Variants in DGCR8 observed in about 807,000 individuals in gnomAD.
DGCR8 encodes the protein microprocessor complex subunit DGCR8.
Under a neutral mutation model 78.5 loss-of-function variants are expected in DGCR8, and 14 were observed. The observed-to-expected ratio is 0.18, with a 90% CI of 0.12 to 0.28. DGCR8 has a LOEUF of 0.28. DGCR8 is among the 10% of genes least tolerant of loss of function. The pLI is 1.00. For synonymous variants in DGCR8, 399 were observed against 402.4 expected (o/e 0.99, Z 0.10); for missense variants, 702 against 1,022.5 (o/e 0.69, Z 4.28).
intron 9 of DGCR8, 70 bp from the exon 10 acceptor site, chr22:20,106,107 A>T (rs1602496381): frequency 2.2e-6 from 3 of 1,338,556 alleles, no homozygotes; most frequent in South Asian, 1.2e-5. Flanking sequence ...GGGAAAGCCA[A>T]CCGCAGGCCC....
In DGCR8 at chr22:20,110,306, C is replaced by T. The variant is rs2049823119; in HGVS notation, c.*198C>T. 1.7e-6 allele frequency: 1 copy of T among 574,388 alleles called. No homozygotes were observed. Among genetic ancestry groups the T allele is most frequent in the Non-Finnish European group, 3.1e-6 (1 of 326,380 alleles). 35.6% of individuals were successfully genotyped at this position (574,388 alleles called of 1,614,324 possible). On this transcript the variant is annotated 3_prime_UTR_variant, in exon 14 of 14. Transcript: ENST00000351989. ...ACACAGCACACATGTGGAGCAGCGGCTCTCCCTGGAAAGCTCCAGGCCTGA... is the reference window on the plus strand; with the variant it reads ...ACACAGCACACATGTGGAGCAGCGGTTCTCCCTGGAAAGCTCCAGGCCTGA...
In DGCR8 at chr22:20,087,996, G is replaced by A. The variant is rs984293443; in HGVS notation, c.880+675G>A. Reference sequence around the variant, plus strand: ...CACCTATGAGGGTCCTGGTGGAGATGTGGGGCTCGGTAGAGGGACTGAAGA... The same window carrying A: ...CACCTATGAGGGTCCTGGTGGAGATATGGGGCTCGGTAGAGGGACTGAAGA... On this transcript the variant is annotated intron_variant, in intron 3 of 13. Coordinates refer to ENST00000351989, the MANE Select transcript of DGCR8 (RefSeq NM_022720.7). The surrounding 1 kb of genome is among the most constrained non-coding windows in gnomAD (Gnocchi z 4.1). Among the ~76,000 whole-genome samples the A allele has an allele frequency of 1.3e-5, 2 of 152,090 alleles. No homozygotes were observed. The highest frequency in any genetic ancestry group is 4.8e-5 in the African/African-American group (2 of 41,420).
chr22:20,083,257 T>C (rs1158736157), intron 1 of DGCR8, among the ~76,000 whole-genome samples: 1 of 152,062 alleles, frequency 6.6e-6, no homozygotes, highest in East Asian at 1.9e-4. Flanking sequence ...CTTCTTGGCA[T>C]GTGACAGGGT....
At chr22:20,092,590 G>T (rs1406201389) in intron 7 of DGCR8, among the ~76,000 whole-genome samples, 2 of 152,038 alleles carry the variant, frequency 1.3e-5, no homozygotes, top group Admixed American at 6.6e-5. Flanking sequence ...TCTCCCACGT[G>T]CCTCATTTCC....
At chr22:20,099,108 T>C (rs1010109960) in intron 9 of DGCR8, among the ~76,000 whole-genome samples, 2 of 152,186 alleles carry the variant, frequency 1.3e-5, no homozygotes, top group Non-Finnish European at 2.9e-5. Flanking sequence ...TCTGTGGGGC[T>C]CACCTGGTGT....
Position 20,107,378 on chromosome 22 carries a change from A to T in DGCR8, c.2104A>T (p.Ser702Cys). ...TTTACTGCGCATGTATGGCCGTGAGAGCAGCAAGATGGTCAAGCAGGTAAC... is the reference window on the plus strand; with the variant it reads ...TTTACTGCGCATGTATGGCCGTGAGTGCAGCAAGATGGTCAAGCAGGTAAC... ...GSLLRMYGRE[S>C]SKMVKQETSD... The change falls in exon 12 of 14, where the codon AGC (serine) becomes TGC (cysteine). Residue 702 changes from serine to cysteine, a missense_variant. Around this residue, in one of 4 missense-constraint regions of DGCR8, gnomAD observed 225 missense variants for 427.7 expected, o/e 0.53. Coordinates refer to ENST00000351989, the MANE Select transcript of DGCR8 (RefSeq NM_022720.7). 1.2e-6 allele frequency: 2 copies of T among 1,614,084 alleles called. No individual in the cohort carries two copies.
In DGCR8 at chr22:20,108,950, C is replaced by T. The variant is rs1351233842; in HGVS notation, c.2185C>T (p.Leu729=). 6.2e-7 allele frequency: 1 copy of T among 1,611,912 alleles called. No individual in the cohort carries two copies. Among genetic ancestry groups the T allele is most frequent in the Non-Finnish European group, 8.5e-7 (1 of 1,178,176 alleles). ...GTATGCCAAGAAGAACAAGCCCAAC[C>T]TGCACATCCTCAGCAAGCTCCAAGA... ...QQYAKKNKPN[L]HILSKLQEEM... is the part of the protein sequence containing the mutation. Residue 729 remains leucine (L), a synonymous_variant, in exon 13 of 14, where the codon CTG becomes TTG. Coordinates refer to ENST00000351989, the MANE Select transcript of DGCR8 (RefSeq NM_022720.7).
intron 3 of DGCR8, among the ~76,000 whole-genome samples, chr22:20,088,201 G>C (rs1228680295): frequency 2.6e-5 from 4 of 152,312 alleles, no homozygotes; most frequent in African/African-American, 9.6e-5. Context: ...TGTCGTGTTG[G>C]TAGCAGTTAA....
At chr22:20,095,485 C>T (rs571235466) in intron 9 of DGCR8, among the ~76,000 whole-genome samples, 35 of 152,284 alleles carry the variant, frequency 2.3e-4, no homozygotes, top group African/African-American at 7.9e-4. Flanking sequence ...CGAAAATTCA[C>T]GCATCACTTT....
rs1460329898 is a variant in DGCR8 at position 20,090,036 on chromosome 22, G to A, written c.1084G>A (p.Glu362Lys). Reference protein sequence around the residue: ...CLHYKKMKDNEEREQSSDLTP... With the variant: ...CLHYKKMKDNKEREQSSDLTP... Reference sequence around the variant, plus strand: ...GCATTATAAGAAAATGAAGGACAACGAGGAACGGGAGCAAAGCAGTGACCT... The same window carrying A: ...GCATTATAAGAAAATGAAGGACAACAAGGAACGGGAGCAAAGCAGTGACCT... The change falls in exon 5 of 14, where the codon GAG (glutamate) becomes AAG (lysine). Residue 362 changes from glutamate to lysine, a missense_variant. This residue lies in a region of DGCR8 where 119 missense variants were observed against 126.1 expected (regional missense o/e 0.94). Transcript: ENST00000351989. 2.5e-6 allele frequency: 4 copies of A among 1,614,202 alleles called. No homozygotes were observed. The South Asian group carries it at 3.3e-5, about 13-fold the overall frequency.
At position 20,080,285 on chromosome 22, in the gene DGCR8, C is replaced by T; in HGVS notation, c.-376C>T. ...CAGGCGGGTGCCGGCGACCGGAGAGCCTGGACAGGCTTTCCAGATGGCTGC... is the reference window on the plus strand; with the variant it reads ...CAGGCGGGTGCCGGCGACCGGAGAGTCTGGACAGGCTTTCCAGATGGCTGC... On this transcript the variant is annotated 5_prime_UTR_variant, in exon 1 of 14. Coordinates refer to ENST00000351989, the MANE Select transcript of DGCR8 (RefSeq NM_022720.7). The T allele has an allele frequency of 1.0e-6, 1 of 980,994 alleles. No individual in the cohort carries two copies. Among genetic ancestry groups the T allele is most frequent in the Non-Finnish European group, 1.2e-6 (1 of 828,126 alleles). 60.8% of individuals were successfully genotyped at this position (980,994 alleles called of 1,614,324 possible). A position where few individuals can be genotyped will look rare whatever the true frequency, so the allele number is the denominator to read the frequency against.
chr22:20,094,549 T>C (rs1188713178), intron 8 of DGCR8, among the ~76,000 whole-genome samples, 164 bp from the exon 9 acceptor site: 1 of 152,218 alleles, frequency 6.6e-6, no homozygotes. Flanking sequence ...GGGCTTTTCC[T>C]TCTGTCCTCT....
At position 20,090,807 on chromosome 22, in the gene DGCR8, G is replaced by C. The variant is rs1211509428; in HGVS notation, c.1306+549G>C. On this transcript the variant is annotated intron_variant, in intron 5 of 13. Transcript: ENST00000351989. ...CTCTCTTCAGGTGTGGCAGGTCTCTGTGAACCCACCTGCTGGATTACTTTC... is the reference window on the plus strand; with the variant it reads ...CTCTCTTCAGGTGTGGCAGGTCTCTCTGAACCCACCTGCTGGATTACTTTC... Among the ~76,000 whole-genome samples the C allele has an allele frequency of 3.3e-5, 5 of 152,300 alleles. No individual in the cohort carries two copies. The South Asian group carries it at 1.0e-3, about 32-fold the overall frequency.
chr22:20,087,015 T>C lies in DGCR8; in HGVS notation c.721-147T>C. On this transcript the variant is annotated intron_variant, in intron 2 of 13. Transcript: ENST00000351989. This position sits in a 1 kb window ranked among gnomAD's most constrained non-coding sequence, Gnocchi z 4.1. Reference sequence around the variant, plus strand: ...AGCTGGTAGCTTCATCCTGTTTGTTTTTCAGATGATCATGCACCCTAAGGG... The same window carrying C: ...AGCTGGTAGCTTCATCCTGTTTGTTCTTCAGATGATCATGCACCCTAAGGG... 1 of 1,091,252 alleles carries C rather than the reference T, an allele frequency of 9.2e-7. No homozygotes were observed. Among genetic ancestry groups the C allele is most frequent in the Non-Finnish European group, 1.3e-6 (1 of 764,400 alleles). The allele number at this position is 1,091,252 out of a possible 1,614,324, so 67.6% of individuals were successfully genotyped here. A position where few individuals can be genotyped will look rare whatever the true frequency, so the allele number is the denominator to read the frequency against.
At chr22:20,096,399 T>A in intron 9 of DGCR8, 1 of 980,874 alleles carries the variant, frequency 1.0e-6, no homozygotes, top group Non-Finnish European at 1.2e-6. Context: ...CAAATCCATG[T>A]TGTTCAAGGG....
chr22:20,091,258 C>T (rs2049555812), intron 5 of DGCR8, among the ~76,000 whole-genome samples, 177 bp from the exon 6 acceptor site: 4 of 152,184 alleles, frequency 2.6e-5, no homozygotes, highest in Admixed American at 2.6e-4. Flanking sequence ...AGGGACCTGC[C>T]AGAATAATCT....
intron 9 of DGCR8, among the ~76,000 whole-genome samples, chr22:20,104,118 G>A (rs1220222580): frequency 6.6e-6 from 1 of 151,930 alleles, no homozygotes; most frequent in East Asian, 1.9e-4. Flanking sequence ...TAGCACATGT[G>A]GCCTCAGGCA....
At position 20,087,512 on chromosome 22, in the gene DGCR8, C is replaced by G. The variant is rs575918756; in HGVS notation, c.880+191C>G. 3.3e-4 allele frequency among the ~76,000 whole-genome samples: 50 copies of G among 152,116 alleles called. No individual in the cohort carries two copies. The highest frequency in any genetic ancestry group is 1.2e-3 in the African/African-American group (48 of 41,474). Reference sequence around the variant, plus strand: ...GACGTCCTGATGCATGACCCAGATGCGGATCCTGGTGTGTGCTATGGAAAC... The same window carrying G: ...GACGTCCTGATGCATGACCCAGATGGGGATCCTGGTGTGTGCTATGGAAAC... On this transcript the variant is annotated intron_variant, in intron 3 of 13. Coordinates refer to ENST00000351989, the MANE Select transcript of DGCR8 (RefSeq NM_022720.7). This position sits in a 1 kb window ranked among gnomAD's most constrained non-coding sequence, Gnocchi z 4.1.
chr22:20,086,020 G>A lies in DGCR8; in HGVS notation c.57G>A (p.Val19=). ...PLPCGPAGEA[V]MESRARPFQA... ...CGTGTGGGCCCGCAGGAGAAGCGGT[G>A]ATGGAGAGCCGAGCTCGCCCCTTCC... Residue 19 remains valine (V), a synonymous_variant, in exon 2 of 14, where the codon GTG becomes GTA. Coordinates refer to ENST00000351989, the MANE Select transcript of DGCR8 (RefSeq NM_022720.7). The surrounding 1 kb of genome is among the most constrained non-coding windows in gnomAD (Gnocchi z 6.4). 2 of 1,613,202 alleles carry A rather than the reference G, an allele frequency of 1.2e-6. No homozygotes were observed. The highest frequency in any genetic ancestry group is 1.7e-6 in the Non-Finnish European group (2 of 1,179,672).
Sources: allele counts gnomAD v4.1 joint callset (sites outside exome capture counted in the v4.1 genomes callset), GRCh38; gene constraint gnomAD v4.1.1; regional missense constraint gnomAD v4.1.1; non-coding constraint Gnocchi (gnomAD v3.1); transcripts MANE v1.5; gene names NCBI Gene and HGNC (gene_info 2026-07-23, HGNC 2026-07-21).